The following PPP2R1B variants were observed in gnomAD, a reference collection of about 807,000 sequenced individuals.
PPP2R1B encodes the protein serine/threonine-protein phosphatase 2A 65 kDa regulatory subunit A beta isoform.
Under a neutral mutation model 72.7 loss-of-function variants are expected in PPP2R1B, and 58 were observed. The ratio of observed to expected loss-of-function variants is 0.80; its 90% CI spans 0.65 to 0.99. PPP2R1B has a LOEUF of 0.99. Among genes scored for constraint, PPP2R1B ranks in the 50% least tolerant of loss-of-function variants. The probability of loss-of-function intolerance (pLI) is 0.00; values close to 1 mark genes in which losing one functional copy is unlikely to be tolerated. For synonymous variants in PPP2R1B, 256 were observed against 264.6 expected, an observed-to-expected ratio of 0.97 and a Z score of 0.32; for missense variants, 695 against 733.6, an observed-to-expected ratio of 0.95 and a Z score of 0.61.
downstream of PPP2R1B, among the ~76,000 whole-genome samples, chr11:111,723,042 G>A (rs527874536): frequency 3.9e-5 from 6 of 152,180 alleles, no homozygotes; most frequent in Non-Finnish European, 7.3e-5. Flanking sequence ...GTGGCCCAAA[G>A]TATGGAGGTG....
chr11:111,720,403 TG>T, the PPP2R1B span: 2 of 1,419,128 alleles, frequency 1.4e-6, no homozygotes, highest in Non-Finnish European at 1.9e-6. Flanking sequence ...AAACTCAAGC[TG>T]GTTATGCTTT....
downstream of PPP2R1B, among the ~76,000 whole-genome samples, chr11:111,722,477 T>C (rs1218768513): frequency 6.6e-6 from 1 of 152,194 alleles, no homozygotes; most frequent in Non-Finnish European, 1.5e-5. This position sits in a 1 kb window ranked among gnomAD's most constrained non-coding sequence, Gnocchi z 4.4. Context: ...GTAGGTGAGG[T>C]CAGAGATGGC....
downstream of PPP2R1B, chr11:111,735,171 G>A (rs1005494460): frequency 2.0e-5 from 3 of 152,544 alleles, no homozygotes; most frequent in African/African-American, 7.2e-5. Context: ...GTCAGTGTGT[G>A]TACAGGACAG....
chr11:111,704,426 A>G, the PPP2R1B span, among the ~76,000 whole-genome samples: 4 of 152,208 alleles, frequency 2.6e-5, no homozygotes, highest in Non-Finnish European at 5.9e-5. Context: ...CAAGGTTTTA[A>G]GAGGGTGGGA....
chr11:111,701,490 T>C, the PPP2R1B span: 2 of 1,613,956 alleles, frequency 1.2e-6, no homozygotes, highest in Non-Finnish European at 1.7e-6. The surrounding 1 kb of genome is among the most constrained non-coding windows in gnomAD (Gnocchi z 4.2). Context: ...TCTGTGGAGC[T>C]CTGCCCTTTG....
intron 10 of PPP2R1B, among the ~76,000 whole-genome samples, chr11:111,750,328 C>T (rs146342737): frequency 1.3e-5 from 2 of 152,244 alleles, no homozygotes; most frequent in Non-Finnish European, 2.9e-5. Flanking sequence ...AGTAAACTGA[C>T]ACATCTTTCT....
chr11:111,705,507 G>A, the PPP2R1B span, among the ~76,000 whole-genome samples: 5 of 152,060 alleles, frequency 3.3e-5, no homozygotes, highest in African/African-American at 7.2e-5. This position sits in a 1 kb window ranked among gnomAD's most constrained non-coding sequence, Gnocchi z 4.3. Context: ...CAGAGACATC[G>A]CGCTATAAAA....
At chr11:111,720,345 G>C in the PPP2R1B span, 1 of 973,552 alleles carries the variant, frequency 1.0e-6, no homozygotes, top group Non-Finnish European at 1.5e-6. Flanking sequence ...CAGTAAAAGG[G>C]CTCTGAAAAG....
At chr11:111,747,101 G>T (rs2136060748) in intron 11 of PPP2R1B, among the ~76,000 whole-genome samples, 1 of 152,250 alleles carries the variant, frequency 6.6e-6, no homozygotes, top group South Asian at 2.1e-4. Context: ...AAGATACTGT[G>T]GAACTGACTC....
At chr11:111,702,597 C>T in the PPP2R1B span, among the ~76,000 whole-genome samples, 2 of 152,148 alleles carry the variant, frequency 1.3e-5, no homozygotes, top group Non-Finnish European at 2.9e-5. Flanking sequence ...TAGGCATAAT[C>T]TGTGTAAAGC....
chr11:111,721,082 C>T, the PPP2R1B span: 1 of 1,598,892 alleles, frequency 6.3e-7, no homozygotes, highest in Non-Finnish European at 8.5e-7. Context: ...TTGGGCCCTT[C>T]CCTCAATGGC....
chr11:111,716,017 G>T, the PPP2R1B span, among the ~76,000 whole-genome samples: 4 of 152,078 alleles, frequency 2.6e-5, no homozygotes, highest in Non-Finnish European at 5.9e-5. Flanking sequence ...GGCCAGGCTG[G>T]TCTCGAACTC....
chr11:111,761,804 C>T lies in PPP2R1B; in HGVS notation c.307-753G>A, dbSNP rs557896869. 9.9e-5 allele frequency among the ~76,000 whole-genome samples: 15 copies of T among 152,076 alleles called. No individual in the cohort carries two copies. In the South Asian group the frequency reaches 3.1e-3, roughly 32 times the overall value. Reference sequence around the variant, plus strand: ...TGGAACCCTGTCTCTACAAAAAATACAAAAATTAGCCAGACATGGTGGCAC... The same window carrying T: ...TGGAACCCTGTCTCTACAAAAAATATAAAAATTAGCCAGACATGGTGGCAC... On this transcript the variant is annotated intron_variant, in intron 3 of 14. Coordinates refer to ENST00000527614, the MANE Select transcript of PPP2R1B (RefSeq NM_002716.5).
chr11:111,740,446 T>C lies in PPP2R1B; in HGVS notation c.*1150A>G, dbSNP rs374471199. On this transcript the variant is annotated 3_prime_UTR_variant, in exon 15 of 15. Transcript: ENST00000527614. ...TGTTGGTCAGGCTGATCTCGAATTC[T>C]TGACCTCAAATGATCCCAAATAGGT... 290 of 978,962 alleles carry C rather than the reference T, an allele frequency of 3.0e-4. 1 individual carries two copies. The highest frequency in any genetic ancestry group is 5.2e-4 in the Middle Eastern group (1 of 1,910). The allele number at this position is 978,962 out of a possible 1,614,324, so 60.6% of individuals were successfully genotyped here.
chr11:111,724,257 C>A (rs1943899358), downstream of PPP2R1B: 2 of 1,327,524 alleles, frequency 1.5e-6, no homozygotes, highest in East Asian at 2.5e-5. Context: ...AGCCACCCAA[C>A]TGGAATCAGA....
At chr11:111,753,632 A>T in intron 8 of PPP2R1B, 55 bp from the exon 9 acceptor site, 1 of 1,531,090 alleles carries the variant, frequency 6.5e-7, no homozygotes, top group South Asian at 1.2e-5. Context: ...AAACTTCCAT[A>T]CCATTATTCT....
chr11:111,722,000 A>T, downstream of PPP2R1B: 1 of 1,342,786 alleles, frequency 7.4e-7, no homozygotes, highest in Non-Finnish European at 1.0e-6. Context: ...GTTCTTCTGC[A>T]AAGCAGAAAC....
Position 111,755,411 on chromosome 11 carries a change from T to A in PPP2R1B, c.727A>T (p.Ile243Phe). Residue 243 changes from isoleucine to phenylalanine, a missense_variant, in exon 6 of 15, where the codon ATT (isoleucine) becomes TTT (phenylalanine). Ile to Phe is a conservative substitution (Grantham distance 21). Transcript: ENST00000527614. ...RLLAVEACVS[I>F]AQLLSQDDLE... is the part of the protein sequence containing the mutation. ...TCATCCTGAGACAATAACTGGGCAA[T>A]ACTGACACAAGCTTCCACAGCAAGG... is the stretch of plus-strand genomic sequence containing the variant. 1 of 1,610,722 alleles carries A rather than the reference T, an allele frequency of 6.2e-7. No homozygotes were observed. The highest frequency in any genetic ancestry group is 1.1e-5 in the South Asian group (1 of 90,054).
chr11:111,727,365 C>T (rs1428941394), intron 15 of PPP2R1B: 1 of 423,846 alleles, frequency 2.4e-6, no homozygotes, highest in Non-Finnish European at 4.3e-6. Context: ...CCCTTTCTTC[C>T]TCAGATATCA....
Sources: allele counts gnomAD v4.1 joint callset (sites outside exome capture counted in the v4.1 genomes callset), GRCh38; gene constraint gnomAD v4.1.1; non-coding constraint Gnocchi (gnomAD v3.1); transcripts MANE v1.5; gene names NCBI Gene and HGNC (gene_info 2026-07-23, HGNC 2026-07-21).